The following NAV3 variants were observed in gnomAD, a reference collection of about 807,000 sequenced individuals.
NAV3 encodes the protein pore membrane and/or filament interacting like protein 1.
A neutral mutation model predicts 244.7 loss-of-function variants in NAV3; 87 were observed. That is an observed-to-expected ratio of 0.36 (90% CI 0.30 to 0.42). NAV3 has a LOEUF of 0.42. NAV3 is among the 20% of genes least tolerant of loss of function. The probability of loss-of-function intolerance (pLI) is 1.00; values close to 1 mark genes in which losing one functional copy is unlikely to be tolerated. For synonymous variants in NAV3, 1,126 were observed against 1,042.2 expected (o/e 1.08, Z -1.55); for missense variants, 2,663 against 2,893.3 (o/e 0.92, Z 1.83).
intron 2 of NAV3, among the ~76,000 whole-genome samples, chr12:77,703,694 ATATGTGCACACCT>A (rs1875664178): frequency 6.6e-6 from 1 of 152,158 alleles, no homozygotes; most frequent in Non-Finnish European, 1.5e-5. Context: ...TGGCCTGGCC[ATATGTGCACACCT>A]TGGTCAGGAG....
At chr12:77,675,625 A>C (rs1874170822) in intron 2 of NAV3, among the ~76,000 whole-genome samples, 1 of 152,158 alleles carries the variant, frequency 6.6e-6, no homozygotes, top group African/African-American at 2.4e-5. Context: ...AAATTTTTCC[A>C]ATTTGAACAT....
chr12:78,003,122 G>A (rs1314827422), intron 7 of NAV3, among the ~76,000 whole-genome samples: 1 of 89,234 alleles, frequency 1.1e-5, no homozygotes, highest in Non-Finnish European at 2.8e-5. Context: ...TGTTTCTTTT[G>A]AGTCACTATA....
chr12:78,023,700 AC>A (rs1332956853), intron 9 of NAV3, among the ~76,000 whole-genome samples: 5 of 152,210 alleles, frequency 3.3e-5, no homozygotes, highest in Admixed American at 1.3e-4. Context: ...TAAATTGAGT[AC>A]TATAATTGAA....
intron 2 of NAV3, among the ~76,000 whole-genome samples, chr12:77,616,433 C>A (rs1028950908): frequency 6.6e-6 from 1 of 152,048 alleles, no homozygotes; most frequent in African/African-American, 2.4e-5. Flanking sequence ...TTTTAAATCC[C>A]TGCATAGTTT....
intron 12 of NAV3, among the ~76,000 whole-genome samples, chr12:78,067,292 C>T (rs951193446): frequency 6.6e-6 from 1 of 152,024 alleles, no homozygotes; most frequent in African/African-American, 2.4e-5. Context: ...GATTAACAGG[C>T]TGAGATGGAA....
chr12:77,591,817 G>A (rs79788743), intron 2 of NAV3, among the ~76,000 whole-genome samples: 6,003 of 152,146 alleles, frequency 0.039, 233 homozygotes, highest in African/African-American at 0.095. Context: ...ATATCCTAAT[G>A]TATACATATA....
intron 2 of NAV3, among the ~76,000 whole-genome samples, chr12:77,801,105 C>T (rs1871682336): frequency 2.0e-5 from 3 of 152,054 alleles, no homozygotes; most frequent in Non-Finnish European, 1.5e-5. Context: ...AATACTTAAT[C>T]TCACAGTTCC....
At chr12:77,747,596 T>C (rs537633867) in intron 2 of NAV3, among the ~76,000 whole-genome samples, 5 of 152,274 alleles carry the variant, frequency 3.3e-5, no homozygotes, top group Non-Finnish European at 7.4e-5. Flanking sequence ...ATGTTTATTG[T>C]GGCACTATTC....
intron 23 of NAV3, among the ~76,000 whole-genome samples, chr12:78,167,496 A>G (rs1957827708): frequency 6.6e-6 from 1 of 150,948 alleles, no homozygotes; most frequent in Non-Finnish European, 1.5e-5. Flanking sequence ...AAACTTGGAT[A>G]TCACTTCAAT....
intron 31 of NAV3, among the ~76,000 whole-genome samples, chr12:78,186,336 T>C (rs1958718527): frequency 6.6e-6 from 1 of 151,930 alleles, no homozygotes; most frequent in Non-Finnish European, 1.5e-5. Context: ...AATTTCTAAG[T>C]ATCCAATTTT....
At chr12:77,793,699 A>G (rs1871283808) in intron 2 of NAV3, among the ~76,000 whole-genome samples, 1 of 152,180 alleles carries the variant, frequency 6.6e-6, no homozygotes, top group Non-Finnish European at 1.5e-5. Context: ...TATATGTGCC[A>G]CATTTTCTTT....
chr12:77,902,567 C>T (rs1306968438), intron 1 of NAV3, among the ~76,000 whole-genome samples: 5 of 152,148 alleles, frequency 3.3e-5, no homozygotes, highest in Admixed American at 3.3e-4. Context: ...GAAGCATTCC[C>T]TTTGAAAACT....
chr12:77,897,946 A>G (rs1884819385), intron 1 of NAV3, among the ~76,000 whole-genome samples: 1 of 152,144 alleles, frequency 6.6e-6, no homozygotes, highest in African/African-American at 2.4e-5. Context: ...CCTCCCAGCT[A>G]AACTCACGCT....
chr12:77,918,711 C>G (rs1490512645), intron 1 of NAV3, among the ~76,000 whole-genome samples: 1 of 151,996 alleles, frequency 6.6e-6, no homozygotes, highest in African/African-American at 2.4e-5. Flanking sequence ...ATGACTGGAG[C>G]TTGCCTCCAT....
chr12:78,054,391 A>C (rs986310794), intron 11 of NAV3, among the ~76,000 whole-genome samples: 1 of 152,236 alleles, frequency 6.6e-6, no homozygotes, highest in African/African-American at 2.4e-5. Context: ...GACAGACCTT[A>C]ACATCATTAT....
chr12:78,024,090 A>G (rs1437777417), intron 9 of NAV3, among the ~76,000 whole-genome samples: 1 of 152,096 alleles, frequency 6.6e-6, no homozygotes, highest in Non-Finnish European at 1.5e-5. Flanking sequence ...TTCCACTAGG[A>G]TTTCCAATTC....
intron 3 of NAV3, among the ~76,000 whole-genome samples, chr12:77,945,114 T>A (rs1890209423): frequency 1.3e-5 from 1 of 77,740 alleles, no homozygotes; most frequent in Non-Finnish European, 2.6e-5. Flanking sequence ...GTTAAGACAC[T>A]GTTAGAGAAA....
In NAV3 at chr12:77,762,091, T is replaced by C. The variant is rs1200426257; in HGVS notation, c.73-178228T>C. Among the ~76,000 whole-genome samples, 4 of 152,204 alleles carry C rather than the reference T, an allele frequency of 2.6e-5. No homozygotes were observed. The East Asian group carries it at 7.7e-4, about 29-fold the overall frequency. On this transcript the variant is annotated intron_variant, in intron 2 of 8. Transcript: ENST00000550042. ...GGCCCATGTACACCATGGCAGACTA[T>C]GCAGCCATAAAAAAGGATGAGTTCA... is the stretch of plus-strand genomic sequence containing the variant.
At chr12:78,139,827 A>G (rs911711815) in intron 19 of NAV3, among the ~76,000 whole-genome samples, 8 of 152,206 alleles carry the variant, frequency 5.3e-5, no homozygotes, top group Non-Finnish European at 1.2e-4. Context: ...GTAATAACAC[A>G]TTAGATAAAA....
Sources: gnomAD v4.1 joint callset for allele counts (sites outside exome capture counted in the v4.1 genomes callset) on GRCh38, gnomAD v4.1.1 for gene constraint, MANE v1.5 for transcripts, NCBI Gene and HGNC (gene_info 2026-07-23, HGNC 2026-07-21) for gene names.